The following LMX1B variants were observed in gnomAD, a reference collection of about 807,000 sequenced individuals.
LMX1B encodes LIM homeobox transcription factor 1 beta, also known as LIM homeobox transcription factor 1-beta.
In LMX1B, 12 loss-of-function variants were observed where a neutral mutation model predicts 51.4. The ratio of observed to expected loss-of-function variants is 0.23; its 90% CI spans 0.15 to 0.38. The LOEUF (loss-of-function observed/expected upper bound fraction) is 0.38. Among genes scored for constraint, LMX1B ranks in the 10% least tolerant of loss-of-function variants. The probability of loss-of-function intolerance (pLI) is 1.00; values close to 1 mark genes in which losing one functional copy is unlikely to be tolerated. For synonymous variants in LMX1B, 237 were observed against 235.4 expected, an observed-to-expected ratio of 1.01 and a Z score of -0.06; for missense variants, 445 against 571.1, an observed-to-expected ratio of 0.78 and a Z score of 2.25.
intron 2 of LMX1B, among the ~76,000 whole-genome samples, chr9:126,642,878 A>T (rs1835833469): frequency 6.6e-6 from 1 of 152,176 alleles, no homozygotes; most frequent in Non-Finnish European, 1.5e-5. Context: ...CCGTCCAGGG[A>T]TGATGGATCT....
intron 2 of LMX1B, among the ~76,000 whole-genome samples, chr9:126,633,526 T>G (rs1250912838): frequency 6.6e-6 from 1 of 152,072 alleles, no homozygotes; most frequent in Non-Finnish European, 1.5e-5. Context: ...TGGCCAATCC[T>G]GGGGACTGGC....
At position 126,625,224 on chromosome 9, in the gene LMX1B, T is replaced by C. The variant is rs139875076; in HGVS notation, c.326+9655T>C. ...CCCTGTAGCCCCCTGACGCTTTTCGTTTCCGAGCGCGCTTGGGCCTCAGGA... is the reference window on the plus strand; with the variant it reads ...CCCTGTAGCCCCCTGACGCTTTTCGCTTCCGAGCGCGCTTGGGCCTCAGGA... On this transcript the variant is annotated intron_variant, in intron 2 of 7. Transcript: ENST00000373474. This position sits in a 1 kb window ranked among gnomAD's most constrained non-coding sequence, Gnocchi z 5.3. Among the ~76,000 whole-genome samples, 4,336 of 152,310 alleles carry C rather than the reference T, an allele frequency of 0.028. 93 individuals are homozygous for C. The highest frequency in any genetic ancestry group is 0.045 in the Non-Finnish European group (3,053 of 68,020).
intron 2 of LMX1B, among the ~76,000 whole-genome samples, chr9:126,672,984 C>T (rs1365366000): frequency 6.6e-6 from 1 of 152,250 alleles, no homozygotes; most frequent in Admixed American, 6.5e-5. Flanking sequence ...CACCTGTGGA[C>T]TCCTCGCCCA....
intron 2 of LMX1B, among the ~76,000 whole-genome samples, chr9:126,676,157 C>T (rs1292382094): frequency 5.3e-5 from 8 of 152,204 alleles, no homozygotes; most frequent in Admixed American, 2.6e-4. Flanking sequence ...GCCCTTCCCT[C>T]GCAACCCTCT....
At chr9:126,642,745 G>A (rs1835831749) in intron 2 of LMX1B, among the ~76,000 whole-genome samples, 1 of 152,244 alleles carries the variant, frequency 6.6e-6, no homozygotes, top group Admixed American at 6.5e-5. Flanking sequence ...GATCATCTTA[G>A]ATCATTCTCC....
intron 2 of LMX1B, among the ~76,000 whole-genome samples, chr9:126,687,422 G>T (rs2029944162): frequency 6.6e-6 from 1 of 151,890 alleles, no homozygotes; most frequent in African/African-American, 2.4e-5. Flanking sequence ...TAGAGACGGG[G>T]TTTCACCATG....
At chr9:126,672,996 A>G (rs1205232626) in intron 2 of LMX1B, among the ~76,000 whole-genome samples, 2 of 152,262 alleles carry the variant, frequency 1.3e-5, no homozygotes, top group Admixed American at 6.5e-5. Flanking sequence ...CCTCGCCCAC[A>G]CAAAGCAAGA....
At chr9:126,675,777 C>A (rs897770647) in intron 2 of LMX1B, among the ~76,000 whole-genome samples, 4 of 147,796 alleles carry the variant, frequency 2.7e-5, no homozygotes, top group Non-Finnish European at 5.9e-5. Context: ...AGGCCGGGCG[C>A]GGTGGCTCAC....
At position 126,615,613 on chromosome 9, in the gene LMX1B, G is replaced by C. The variant is rs1416501746; in HGVS notation, c.326+44G>C. ...CCTTCCCCGCCACCGCCCGGCACTCGAGCCCGGTCAGCCCCCTGCCGGGCC... is the reference window on the plus strand; with the variant it reads ...CCTTCCCCGCCACCGCCCGGCACTCCAGCCCGGTCAGCCCCCTGCCGGGCC... On this transcript the variant is annotated intron_variant, in intron 2 of 7. Transcript: ENST00000373474. The surrounding 1 kb of genome is among the most constrained non-coding windows in gnomAD (Gnocchi z 6.0). 1.9e-6 allele frequency: 3 copies of C among 1,553,104 alleles called. No individual in the cohort carries two copies. Among genetic ancestry groups the C allele is most frequent in the Non-Finnish European group, 8.7e-7 (1 of 1,146,382 alleles).
chr9:126,638,871 A>G (rs1175539748), intron 2 of LMX1B, among the ~76,000 whole-genome samples: 4 of 152,162 alleles, frequency 2.6e-5, no homozygotes, highest in Non-Finnish European at 5.9e-5. Flanking sequence ...TTCTCTCCCC[A>G]GGACGGGCGG....
In LMX1B at chr9:126,615,267, G is replaced by T; in HGVS notation, c.140-116G>T. On this transcript the variant is annotated intron_variant, in intron 1 of 7. Coordinates refer to ENST00000373474, the MANE Select transcript of LMX1B (RefSeq NM_001174147.2). This position sits in a 1 kb window ranked among gnomAD's most constrained non-coding sequence, Gnocchi z 6.0. ...GGTCCGGGGAGCGCAGGCGGCAGGC[G>T]GTGATCCCGGGCGGCCCGAGCCCTC... The T allele has an allele frequency of 1.6e-6, 1 of 611,440 alleles. No homozygotes were observed. Among genetic ancestry groups the T allele is most frequent in the Non-Finnish European group, 2.2e-6 (1 of 444,592 alleles). The allele number at this position is 611,440 out of a possible 1,614,324, so 37.9% of individuals were successfully genotyped here. A position where few individuals can be genotyped will look rare whatever the true frequency, so the allele number is the denominator to read the frequency against.
At chr9:126,639,702 G>A (rs1344778216) in intron 2 of LMX1B, among the ~76,000 whole-genome samples, 1 of 152,220 alleles carries the variant, frequency 6.6e-6, no homozygotes, top group Non-Finnish European at 1.5e-5. Flanking sequence ...CTGGGGAGGG[G>A]GGCAGAGGAG....
At chr9:126,682,542 C>T (rs1419650705) in intron 2 of LMX1B, among the ~76,000 whole-genome samples, 3 of 152,198 alleles carry the variant, frequency 2.0e-5, no homozygotes, top group African/African-American at 7.2e-5. Flanking sequence ...GGCTGTCTCT[C>T]TTCTCACTGC....
intron 2 of LMX1B, among the ~76,000 whole-genome samples, chr9:126,646,995 G>A (rs1835914751): frequency 6.6e-6 from 1 of 152,134 alleles, no homozygotes; most frequent in Non-Finnish European, 1.5e-5. Flanking sequence ...GATCAGGGAA[G>A]GTCTTATGTA....
chr9:126,637,138 C>G (rs186263972), intron 2 of LMX1B, among the ~76,000 whole-genome samples: 2 of 152,372 alleles, frequency 1.3e-5, no homozygotes, highest in Admixed American at 1.3e-4. Context: ...CTGCCTTACT[C>G]ACTGCAGCTG....
chr9:126,679,410 G>C (rs1262920883), intron 2 of LMX1B, among the ~76,000 whole-genome samples: 1 of 151,902 alleles, frequency 6.6e-6, no homozygotes, highest in African/African-American at 2.4e-5. Context: ...AGGGGGGATG[G>C]GTAATATATG....
At position 126,699,187 on chromosome 9, in the gene LMX1B, G is replaced by T. The variant is rs927748075; in HGVS notation, c.*2736G>T. 10 of 152,230 alleles carry T rather than the reference G, an allele frequency of 6.6e-5. No individual in the cohort carries two copies. The highest frequency in any genetic ancestry group is 6.5e-4 in the Admixed American group (10 of 15,288). 9.4% of individuals were successfully genotyped at this position (152,230 alleles called of 1,614,324 possible). The stretch of plus-strand genomic sequence containing the variant: ...GACGTCAGAAGCGGTCATCTCATCT[G>T]CCCCTTATTTTATAGTTGGAAACCC... On this transcript the variant is annotated 3_prime_UTR_variant, in exon 8 of 8. Transcript: ENST00000373474.
Position 126,625,496 on chromosome 9 carries a change from G to A in LMX1B, c.326+9927G>A, listed in dbSNP as rs538506470. 3.0e-4 allele frequency among the ~76,000 whole-genome samples: 45 copies of A among 152,346 alleles called. No homozygotes were observed. Among genetic ancestry groups the A allele is most frequent in the African/African-American group, 9.9e-4 (41 of 41,578 alleles). On this transcript the variant is annotated intron_variant, in intron 2 of 7. Coordinates refer to ENST00000373474, the MANE Select transcript of LMX1B (RefSeq NM_001174147.2). The surrounding 1 kb of genome is among the most constrained non-coding windows in gnomAD (Gnocchi z 5.3). Reference sequence around the variant, plus strand: ...CGGGATTGACCAGAAGAGAGAGGCCGAATGGAGATGCCAGGCTGGGGCCCT... The same window carrying A: ...CGGGATTGACCAGAAGAGAGAGGCCAAATGGAGATGCCAGGCTGGGGCCCT...
chr9:126,679,376 G>A (rs573115944), intron 2 of LMX1B, among the ~76,000 whole-genome samples: 1 of 152,124 alleles, frequency 6.6e-6, no homozygotes, highest in East Asian at 1.9e-4. Context: ...GTTTGTATGG[G>A]TAGCTGGTTG....
Sources: gnomAD v4.1 joint callset for allele counts (sites outside exome capture counted in the v4.1 genomes callset) on GRCh38, gnomAD v4.1.1 for gene constraint, Gnocchi (gnomAD v3.1) non-coding constraint, MANE v1.5 for transcripts, NCBI Gene and HGNC (gene_info 2026-07-23, HGNC 2026-07-21) for gene names.